Variants in PCLAF observed in about 807,000 individuals in gnomAD.
PCLAF encodes the protein PCNA-associated factor.
PCLAF carries 12 observed loss-of-function variants against 15.1 expected under a neutral mutation model. That is an observed-to-expected ratio of 0.79 (90% CI 0.51 to 1.29). The LOEUF (loss-of-function observed/expected upper bound fraction) is 1.29, where lower values mean the gene tolerates loss of function less well. PCLAF is among the 50% of genes most tolerant of loss of function. The pLI, the probability that PCLAF is intolerant of heterozygous loss-of-function variation, is 0.00. For missense variants in PCLAF, 116 were observed against 130.9 expected (o/e 0.89, Z 0.56); for synonymous variants, 33 against 47.1 (o/e 0.70, Z 1.22).
upstream of PCLAF, chr15:64,382,932 C>T (rs192285459): frequency 2.5e-4 from 47 of 189,670 alleles, no homozygotes; most frequent in East Asian, 7.3e-3. Context: ...GCGGAGGTTG[C>T]AGTGAGCCGA....
chr15:64,382,978 C>T (rs768251882), upstream of PCLAF: 48 of 158,768 alleles, frequency 3.0e-4, no homozygotes, highest in Non-Finnish European at 3.7e-4. Context: ...GGCGACAGGG[C>T]GAGTCTCCGT....
Position 64,372,616 on chromosome 15 carries a change from A to G in PCLAF, c.290+4127T>C, listed in dbSNP as rs1219200557. Among the ~76,000 whole-genome samples the G allele has an allele frequency of 2.7e-5, 4 of 149,752 alleles. No homozygotes were observed. In the East Asian group the frequency reaches 6.0e-4, roughly 23 times the overall value. On this transcript the variant is annotated intron_variant, in intron 3 of 3. Transcript: ENST00000300035. ...GCGACAGAGCGAGACTCCATCTCAA[A>G]AAAAGAAAAGAAAAGAAAAGAAAGT...
chr15:64,366,473 A>G (rs1330947805), intron 3 of PCLAF, among the ~76,000 whole-genome samples: 1 of 152,234 alleles, frequency 6.6e-6, no homozygotes, highest in Non-Finnish European at 1.5e-5. Flanking sequence ...TAGCAGAGAA[A>G]ACATATAGCA....
chr15:64,385,415 C>A (rs555095877), upstream of PCLAF, among the ~76,000 whole-genome samples: 7 of 152,058 alleles, frequency 4.6e-5, no homozygotes, highest in African/African-American at 1.7e-4. Context: ...CACCTAAAGT[C>A]GGGAGTTTGA....
intron 2 of PCLAF, among the ~76,000 whole-genome samples, chr15:64,379,749 A>T (rs984571978): frequency 6.6e-6 from 1 of 152,180 alleles, no homozygotes; most frequent in Non-Finnish European, 1.5e-5. Context: ...GAAAGGAATG[A>T]GGCACCAGAT....
intron 3 of PCLAF, among the ~76,000 whole-genome samples, chr15:64,370,665 A>AT (rs1899254331): frequency 1.3e-5 from 2 of 151,918 alleles, no homozygotes; most frequent in African/African-American, 4.8e-5. Flanking sequence ...CACCGCACCC[A>AT]GGCTGGAGTG....
upstream of PCLAF, chr15:64,382,924 G>A (rs746568830): frequency 8.4e-5 from 16 of 189,736 alleles, no homozygotes; most frequent in Non-Finnish European, 1.2e-4. Flanking sequence ...CCCGGGAGGC[G>A]GAGGTTGCAG....
rs536045236 is a variant in PCLAF at position 64,367,650 on chromosome 15, C to T, written c.291-1575G>A. Among the ~76,000 whole-genome samples the T allele has an allele frequency of 1.3e-4, 19 of 151,872 alleles. No individual in the cohort carries two copies. In the East Asian group the frequency reaches 3.6e-3, roughly 29 times the overall value. Reference sequence around the variant, plus strand: ...GCAACCTCTGCCTCCCGGGTTCAAGCGATTCTCCTGCCTTAGCCTCCCAAG... The same window carrying T: ...GCAACCTCTGCCTCCCGGGTTCAAGTGATTCTCCTGCCTTAGCCTCCCAAG... On this transcript the variant is annotated intron_variant, in intron 3 of 3. Transcript: ENST00000300035.
At chr15:64,368,076 T>A (rs1899121419) in intron 3 of PCLAF, among the ~76,000 whole-genome samples, 1 of 151,604 alleles carries the variant, frequency 6.6e-6, no homozygotes, top group Non-Finnish European at 1.5e-5. Context: ...GCGCGGTGGC[T>A]CATGCCTGTA....
upstream of PCLAF, among the ~76,000 whole-genome samples, chr15:64,385,549 C>G (rs886864209): frequency 4.0e-5 from 6 of 151,682 alleles, no homozygotes; most frequent in African/African-American, 1.5e-4. Context: ...CGCTTGAACC[C>G]GGGAGGCGGA....
chr15:64,367,513 C>CAA (rs565034836), intron 3 of PCLAF, among the ~76,000 whole-genome samples: 8 of 34,078 alleles, frequency 2.3e-4, no homozygotes, highest in East Asian at 2.4e-3. Context: ...CAAAAAAACC[C>CAA]AAAAAAAAAA....
upstream of PCLAF, among the ~76,000 whole-genome samples, chr15:64,384,260 T>G (rs1329654902): frequency 6.6e-6 from 1 of 152,060 alleles, no homozygotes; most frequent in Non-Finnish European, 1.5e-5. Context: ...CAGCCGCCCA[T>G]GTAGCTGGGA....
intron 3 of PCLAF, among the ~76,000 whole-genome samples, chr15:64,372,834 G>A (rs932631251): frequency 2.6e-5 from 4 of 151,892 alleles, no homozygotes; most frequent in African/African-American, 9.7e-5. Context: ...AGCTGGATGT[G>A]GTGGCACGTG....
At chr15:64,379,949 A>G (rs945153471) in intron 2 of PCLAF, among the ~76,000 whole-genome samples, 1 of 51,008 alleles carries the variant, frequency 2.0e-5, no homozygotes, top group African/African-American at 4.3e-5. Context: ...ACAAGCAAAC[A>G]AAAACAAAAA....
chr15:64,381,446 G>A (rs1461337827), upstream of PCLAF: 121 of 1,594,752 alleles, frequency 7.6e-5, no homozygotes, highest in South Asian at 9.1e-5. Context: ...ACAAGGACCC[G>A]AAAACTATCC....
Position 64,365,657 on chromosome 15 carries a change from A to G in PCLAF, c.*373T>C. 5.3e-6 allele frequency: 1 copy of G among 189,366 alleles called. No individual in the cohort carries two copies. The highest frequency in any genetic ancestry group is 1.1e-5 in the Non-Finnish European group (1 of 92,882). 11.7% of individuals were successfully genotyped at this position (189,366 alleles called of 1,614,324 possible). Reference sequence around the variant, plus strand: ...CTTTTTAAAGCAAGTAGAAGGAGTGACAATATGGCACCATTCCAATAATCA... The same window carrying G: ...CTTTTTAAAGCAAGTAGAAGGAGTGGCAATATGGCACCATTCCAATAATCA... On this transcript the variant is annotated 3_prime_UTR_variant, in exon 4 of 4. Transcript: ENST00000300035.
At chr15:64,384,513 C>T (rs1222709324), upstream of PCLAF, among the ~76,000 whole-genome samples, 1 of 151,146 alleles carries the variant, frequency 6.6e-6, no homozygotes, top group Non-Finnish European at 1.5e-5. Flanking sequence ...GAGGCAGAGG[C>T]AGGTAGATCA....
intron 3 of PCLAF, among the ~76,000 whole-genome samples, chr15:64,375,099 C>G (rs1447023047): frequency 1.3e-5 from 2 of 151,984 alleles, no homozygotes; most frequent in Admixed American, 1.3e-4. Context: ...TCCAACTTTT[C>G]CATATTGGTC....
At chr15:64,379,100 T>C (rs1566967241) in intron 2 of PCLAF, among the ~76,000 whole-genome samples, 1 of 152,134 alleles carries the variant, frequency 6.6e-6, no homozygotes, top group Non-Finnish European at 1.5e-5. Context: ...AGGATGCATT[T>C]ATTCAACATA....
Sources: allele counts gnomAD v4.1 joint callset (sites outside exome capture counted in the v4.1 genomes callset), GRCh38; gene constraint gnomAD v4.1.1; transcripts MANE v1.5; gene names NCBI Gene and HGNC (gene_info 2026-07-23, HGNC 2026-07-21).